Variants in CFTR observed in about 807,000 individuals in gnomAD.
CFTR encodes the protein CF transmembrane conductance regulator.
A neutral mutation model predicts 171.6 loss-of-function variants in CFTR; 181 were observed. That is an observed-to-expected ratio of 1.05 (90% CI 0.93 to 1.19). The LOEUF (loss-of-function observed/expected upper bound fraction) is 1.19. CFTR is among the 50% of genes most tolerant of loss of function. The probability of loss-of-function intolerance (pLI) is 0.00; values close to 1 mark genes in which losing one functional copy is unlikely to be tolerated. For missense variants in CFTR, 1,968 were observed against 1,734.7 expected (o/e 1.13, Z -2.39); for synonymous variants, 583 against 608.0 (o/e 0.96, Z 0.60).
At chr7:117,611,491 C>T (rs1258683301) in intron 19 of CFTR, 90 bp from the exon 20 acceptor site, 1 of 821,888 alleles carries the variant, frequency 1.2e-6, no homozygotes, top group Non-Finnish European at 2.1e-6. Flanking sequence ...TATGATTATT[C>T]TAATTTAGTC....
At chr7:117,627,858 T>C in intron 22 of CFTR, 88 bp downstream of exon 22, 1 of 1,307,298 alleles carries the variant, frequency 7.6e-7, no homozygotes, top group Non-Finnish European at 1.1e-6. Context: ...AGAATCTATT[T>C]GTAACATTAT....
intron 11 of CFTR, chr7:117,564,649 T>G (rs372728734): frequency 6.0e-6 from 1 of 167,158 alleles, no homozygotes; most frequent in East Asian, 1.9e-4. Flanking sequence ...TTGATCTGTT[T>G]CTTAATATAT....
intron 3 of CFTR, among the ~76,000 whole-genome samples, chr7:117,516,303 G>T (rs1668831322): frequency 6.6e-6 from 1 of 151,952 alleles, no homozygotes; most frequent in Non-Finnish European, 1.5e-5. Context: ...ATGATCTTAA[G>T]CAAATAAAAA....
intron 1 of CFTR, among the ~76,000 whole-genome samples, chr7:117,500,569 C>T (rs528230508): frequency 2.6e-5 from 4 of 152,050 alleles, no homozygotes; most frequent in South Asian, 2.1e-4. Context: ...GGATTACAGG[C>T]GTGAGCCACC....
intron 1 of CFTR, among the ~76,000 whole-genome samples, chr7:117,486,957 TAATC>T (rs1798085247): frequency 1.3e-5 from 2 of 151,852 alleles, no homozygotes; most frequent in South Asian, 2.1e-4. Context: ...ACTGGTTTGG[TAATC>T]AATTAGTAGT....
chr7:117,620,802 G>A (rs1357421258), intron 21 of CFTR, among the ~76,000 whole-genome samples: 10 of 152,104 alleles, frequency 6.6e-5, no homozygotes, highest in African/African-American at 2.4e-4. Flanking sequence ...AGCACATGCA[G>A]AATCTTTATA....
At chr7:117,567,275 A>G (rs933424009) in intron 11 of CFTR, among the ~76,000 whole-genome samples, 8 of 152,192 alleles carry the variant, frequency 5.3e-5, no homozygotes, top group African/African-American at 1.7e-4. Flanking sequence ...TTTTAATGGT[A>G]CCTTAGACAT....
chr7:117,488,197 A>C (rs1236307130), intron 1 of CFTR, among the ~76,000 whole-genome samples: 4 of 152,174 alleles, frequency 2.6e-5, no homozygotes, highest in African/African-American at 7.2e-5. Flanking sequence ...GCTGTGTTTC[A>C]ATTAAACTTT....
At chr7:117,648,842 A>G (rs776318284) in intron 23 of CFTR, among the ~76,000 whole-genome samples, 33 of 152,288 alleles carry the variant, frequency 2.2e-4, no homozygotes, top group Non-Finnish European at 4.1e-4. Context: ...TAATACAGGA[A>G]TGAAATACCT....
chr7:117,543,231 C>A (rs371455249), intron 9 of CFTR, among the ~76,000 whole-genome samples: 1 of 152,140 alleles, frequency 6.6e-6, no homozygotes, highest in African/African-American at 2.4e-5. Flanking sequence ...TGAGCACCAG[C>A]GCTTCATTTT....
At position 117,642,613 on chromosome 7, in the gene CFTR, C is replaced by T. The variant is rs1482229013; in HGVS notation, c.3873+20C>T. On this transcript the variant is annotated intron_variant, in intron 23 of 26. Coordinates refer to ENST00000003084, the MANE Select transcript of CFTR (RefSeq NM_000492.4). ...CCACAGGTGAGCAAAAGGACTTAGC[C>T]AGAAAAAAGGCAACTAAATTATATT... is the stretch of plus-strand genomic sequence containing the variant. 5 of 1,611,926 alleles carry T rather than the reference C, an allele frequency of 3.1e-6. No homozygotes were observed. The highest frequency in any genetic ancestry group is 4.2e-6 in the Non-Finnish European group (5 of 1,178,942).
chr7:117,588,875 TAC>T (rs531611497), intron 12 of CFTR, among the ~76,000 whole-genome samples: 2 of 152,118 alleles, frequency 1.3e-5, no homozygotes, highest in Non-Finnish European at 2.9e-5. Context: ...ATCTTGGAAA[TAC>T]ACTGTAAGGC....
intron 11 of CFTR, among the ~76,000 whole-genome samples, chr7:117,575,859 T>G (rs1351345007): frequency 1.3e-5 from 2 of 152,160 alleles, no homozygotes; most frequent in African/African-American, 4.8e-5. Flanking sequence ...ACTAACACAG[T>G]TCTATACATT....
chr7:117,590,431 A>T lies in CFTR; in HGVS notation c.1758A>T (p.Ile586=), dbSNP rs1462572352. Residue 586 remains isoleucine (I), a synonymous_variant, in exon 13 of 27, where the codon ATA becomes ATT. Coordinates refer to ENST00000003084, the MANE Select transcript of CFTR (RefSeq NM_000492.4). ...TAGATGTTTTAACAGAAAAAGAAAT[A>T]TTTGAAAGGTATGTTCTTTGAATAC... ...GYLDVLTEKE[I]FESCVCKLMA... is the part of the protein sequence containing the mutation. 1.2e-6 allele frequency: 2 copies of T among 1,601,622 alleles called. No individual in the cohort carries two copies. The highest frequency in any genetic ancestry group is 8.5e-7 in the Non-Finnish European group (1 of 1,171,266).
chr7:117,507,892 A>G (rs1240563596), intron 2 of CFTR, among the ~76,000 whole-genome samples: 1 of 152,160 alleles, frequency 6.6e-6, no homozygotes, highest in African/African-American at 2.4e-5. Flanking sequence ...CCTGGGTTCA[A>G]GCGAATCTCA....
chr7:117,569,996 A>G (rs1279853262), intron 11 of CFTR, among the ~76,000 whole-genome samples: 1 of 152,042 alleles, frequency 6.6e-6, no homozygotes, highest in African/African-American at 2.4e-5. Flanking sequence ...CATCAACAAT[A>G]AAAAATTAGG....
Position 117,653,945 on chromosome 7 carries a change from A to T in CFTR, c.3963+1014A>T, listed in dbSNP as rs1382994013. 6.6e-5 allele frequency among the ~76,000 whole-genome samples: 10 copies of T among 152,320 alleles called. No individual in the cohort carries two copies. In the East Asian group the frequency reaches 1.9e-3, roughly 29 times the overall value. ...AAACAGGCACAGGCTAGACAGTCCC[A>T]TTTCAAAAAAGAGAAATAGAAAAGA... On this transcript the variant is annotated intron_variant, in intron 24 of 26. Coordinates refer to ENST00000003084, the MANE Select transcript of CFTR (RefSeq NM_000492.4).
rs34364422 is a variant in CFTR, at chr7:117,591,780, A to G, written c.1767-154A>G. On this transcript the variant is annotated intron_variant, in intron 13 of 26. Coordinates refer to ENST00000003084, the MANE Select transcript of CFTR (RefSeq NM_000492.4). ...TCAGAATTCACAAGGTACCAATTTAATTACTACAGAGTACTTATAGAATCA... is the reference window on the plus strand; with the variant it reads ...TCAGAATTCACAAGGTACCAATTTAGTTACTACAGAGTACTTATAGAATCA... 5.1e-3 allele frequency among the ~76,000 whole-genome samples: 776 copies of G among 152,306 alleles called. 4 individuals carry two copies. Among genetic ancestry groups the G allele is most frequent in the African/African-American group, 0.017 (714 of 41,576 alleles).
At position 117,610,555 on chromosome 7, in the gene CFTR, G is replaced by A. The variant is rs184724618; in HGVS notation, c.3025G>A (p.Ala1009Thr). Residue 1009 changes from alanine to threonine, a missense_variant, in exon 19 of 27, where the codon GCA becomes ACA. Coordinates refer to ENST00000003084, the MANE Select transcript of CFTR (RefSeq NM_000492.4). The part of the protein sequence containing the change: ...LIVIGAIAVV[A>T]VLQPYIFVAT... The stretch of plus-strand genomic sequence containing the variant: ...TGTGATTGGAGCTATAGCAGTTGTC[G>A]CAGTTTTACAACCCTACATCTTTGT... The A allele has an allele frequency of 5.5e-5, 88 of 1,613,174 alleles. No individual in the cohort carries two copies. The highest frequency in any genetic ancestry group is 4.5e-4 in the Admixed American group (27 of 59,932).
Sources: allele counts gnomAD v4.1 joint callset (sites outside exome capture counted in the v4.1 genomes callset), GRCh38; gene constraint gnomAD v4.1.1; transcripts MANE v1.5; gene names NCBI Gene and HGNC (gene_info 2026-07-23, HGNC 2026-07-21).